The following CPD variants were observed in gnomAD, a reference collection of about 807,000 sequenced individuals.
The protein encoded by CPD is metallocarboxypeptidase D.
A neutral mutation model predicts 138.3 loss-of-function variants in CPD; 69 were observed. The observed-to-expected ratio is 0.50, with a 90% CI of 0.41 to 0.61. The LOEUF is 0.61. Among genes scored for constraint, CPD ranks in the 20% least tolerant of loss-of-function variants. CPD has a pLI of 0.00. For missense variants in CPD, 1,432 were observed against 1,733.3 expected (o/e 0.83, Z 3.09); for synonymous variants, 651 against 642.1 (o/e 1.01, Z -0.21).
intron 2 of CPD, among the ~76,000 whole-genome samples, chr17:30,400,032 C>T (rs1013385372): frequency 6.6e-6 from 1 of 152,072 alleles, no homozygotes; most frequent in African/African-American, 2.4e-5. Context: ...AATTGTGTTT[C>T]TTGTAGTTGC....
At position 30,461,935 on chromosome 17, in the gene CPD, C is replaced by T. The variant is rs1913486883; in HGVS notation, c.3689C>T (p.Ala1230Val). 6.2e-7 allele frequency: 1 copy of T among 1,612,706 alleles called. No homozygotes were observed. Residue 1230 changes from alanine (A) to valine (V), a missense_variant, in exon 19 of 21, where the codon GCA (alanine) becomes GTA (valine). Ala to Val is a moderately conservative substitution (Grantham distance 64). Coordinates refer to ENST00000225719, the MANE Select transcript of CPD (RefSeq NM_001304.5). ...AAGACTGGAAAGCCAATCTCTAAAG[C>T]AGTCATTGTACTTAATGAAGGAATA... is the stretch of plus-strand genomic sequence containing the variant. ...KDKTGKPISK[A>V]VIVLNEGIKV... is the part of the protein sequence containing the mutation.
rs973940283 is a variant in CPD at position 30,388,100 on chromosome 17, C to A, written c.994+2864C>A. Among the ~76,000 whole-genome samples, 6 of 152,190 alleles carry A rather than the reference C, an allele frequency of 3.9e-5. No homozygotes were observed. In the South Asian group the frequency reaches 1.0e-3, roughly 26 times the overall value. On this transcript the variant is annotated intron_variant, in intron 2 of 20. Transcript: ENST00000225719. ...TCAGCTTTCAGCAGAGAGGAGCTAC[C>A]CTCTGGTTGTCCCATCATCTCTCCA...
intron 2 of CPD, among the ~76,000 whole-genome samples, chr17:30,409,758 A>T (rs1392219362): frequency 6.7e-6 from 1 of 150,184 alleles, no homozygotes; most frequent in Non-Finnish European, 1.5e-5. Flanking sequence ...CTTCTTTATT[A>T]GTCTTGCTAG....
rs771989618 is a variant in CPD, at chr17:30,388,568, G to A, written c.994+3332G>A. Reference sequence around the variant, plus strand: ...ACCCCAATCCCGGATAGGAGCAGACGCAAGAATGGGGAGAGGCCAGGCAGC... The same window carrying A: ...ACCCCAATCCCGGATAGGAGCAGACACAAGAATGGGGAGAGGCCAGGCAGC... On this transcript the variant is annotated intron_variant, in intron 2 of 20. Transcript: ENST00000225719. Among the ~76,000 whole-genome samples the A allele has an allele frequency of 2.0e-5, 3 of 152,188 alleles. No individual in the cohort carries two copies. The East Asian group carries it at 5.8e-4, about 29-fold the overall frequency.
At position 30,421,796 on chromosome 17, in the gene CPD, G is replaced by A. The variant is rs2143413417; in HGVS notation, c.1270G>A (p.Val424Ile). 6.2e-7 allele frequency: 1 copy of A among 1,613,658 alleles called. No individual in the cohort carries two copies. The highest frequency in any genetic ancestry group is 2.2e-5 in the East Asian group (1 of 44,852). ...ATTTGGTGATTTCTACCGATTACTT[G>A]TTCCTGGAACTTACAACCTTACAGT... is the stretch of plus-strand genomic sequence containing the variant. Reference protein sequence around the residue: ...GRFGDFYRLLVPGTYNLTVVL... With the variant: ...GRFGDFYRLLIPGTYNLTVVL... The change falls in exon 4 of 21, where the codon GTT becomes ATT. Residue 424 changes from valine (V) to isoleucine (I), a missense_variant. By Grantham distance (29) the Val-to-Ile change is conservative. Around this residue, in one of 6 missense-constraint regions of CPD, gnomAD observed 160 missense variants for 197.9 expected, o/e 0.81. Transcript: ENST00000225719.
At chr17:30,422,481 A>G (rs1292112700) in intron 4 of CPD, among the ~76,000 whole-genome samples, 193 bp from the exon 5 acceptor site, 2 of 152,188 alleles carry the variant, frequency 1.3e-5, no homozygotes, top group Non-Finnish European at 2.9e-5. Context: ...GGTGAGAGAA[A>G]TAGTTGTTCA....
intron 1 of CPD, among the ~76,000 whole-genome samples, chr17:30,382,591 A>G (rs1405653326): frequency 6.6e-6 from 1 of 152,228 alleles, no homozygotes; most frequent in African/African-American, 2.4e-5. Context: ...AGTAAGGAAA[A>G]TCGAAGTGAA....
At position 30,464,710 on chromosome 17, in the gene CPD, G is replaced by A. The variant is rs1913587793; in HGVS notation, c.4039G>A (p.Glu1347Lys). ...GCAGCATCATGATGAGTATGAAGATGAAATTCGCATGATGTCTACCGGCTC... is the reference window on the plus strand; with the variant it reads ...GCAGCATCATGATGAGTATGAAGATAAAATTCGCATGATGTCTACCGGCTC... Reference protein sequence around the residue: ...LRQHHDEYEDEIRMMSTGSKK... With the variant: ...LRQHHDEYEDKIRMMSTGSKK... Residue 1347 changes from glutamate (E) to lysine (K), a missense_variant, in exon 21 of 21, where the codon GAA becomes AAA. Glu to Lys is a moderately conservative substitution (Grantham distance 56). Transcript: ENST00000225719. 1 of 1,614,002 alleles carries A rather than the reference G, an allele frequency of 6.2e-7. No individual in the cohort carries two copies. Among genetic ancestry groups the A allele is most frequent in the Non-Finnish European group, 8.5e-7 (1 of 1,179,928 alleles).
chr17:30,427,670 C>A (rs1244343299), intron 7 of CPD, 112 bp downstream of exon 7: 3 of 930,408 alleles, frequency 3.2e-6, no homozygotes, highest in South Asian at 3.3e-5. Flanking sequence ...TATCCTGTTA[C>A]TGCTCTTATG....
chr17:30,433,362 C>T (rs1046832590), intron 8 of CPD, among the ~76,000 whole-genome samples: 10 of 152,120 alleles, frequency 6.6e-5, no homozygotes, highest in Admixed American at 2.0e-4. Context: ...TTCTGCTTTT[C>T]GCCTTCATTT....
rs939907560 is a variant in CPD, at chr17:30,416,825, G to A, written c.995-4016G>A. Among the ~76,000 whole-genome samples, 7 of 152,188 alleles carry A rather than the reference G, an allele frequency of 4.6e-5. No individual in the cohort carries two copies. The East Asian group carries it at 5.8e-4, about 13-fold the overall frequency. On this transcript the variant is annotated intron_variant, in intron 2 of 20. Transcript: ENST00000225719. ...TCACTCTACTTAAATTTTCTAGGCCGGGCGCGGTGGCTCACGCCTGTAATC... is the reference window on the plus strand; with the variant it reads ...TCACTCTACTTAAATTTTCTAGGCCAGGCGCGGTGGCTCACGCCTGTAATC...
In CPD at chr17:30,378,984, G is replaced by GCGAGCGGCCGGGA; in HGVS notation, c.15_27dup (p.Pro10GlyfsTer79). 1 of 1,530,492 alleles carries GCGAGCGGCCGGGA rather than the reference G, an allele frequency of 6.5e-7. No individual in the cohort carries two copies. The highest frequency in any genetic ancestry group is 8.7e-7 in the Non-Finnish European group (1 of 1,149,936). The allele number at this position is 1,530,492 out of a possible 1,614,324, so 94.8% of individuals were successfully genotyped here. On this transcript the variant is annotated frameshift_variant, in exon 1 of 21. Transcript: ENST00000225719. LOFTEE classifies it high-confidence loss of function. ...GGGTTAGCGGCGCTGCTGGAAGATG[G>GCGAGCGGCCGGGA]CGAGCGGCCGGGACGAGCGGCCGCC... is the stretch of plus-strand genomic sequence containing the variant.
At chr17:30,396,556 A>G (rs1351090801) in intron 2 of CPD, among the ~76,000 whole-genome samples, 1 of 152,168 alleles carries the variant, frequency 6.6e-6, no homozygotes, top group Non-Finnish European at 1.5e-5. Flanking sequence ...AAAGAGTGAT[A>G]AGAGACTTGT....
intron 12 of CPD, among the ~76,000 whole-genome samples, chr17:30,446,945 G>A (rs1025643893): frequency 4.6e-5 from 7 of 152,070 alleles, no homozygotes; most frequent in African/African-American, 7.2e-5. Context: ...GCATTTTTTT[G>A]TGTGTCTTTT....
chr17:30,402,203 C>G (rs886765215), intron 2 of CPD, among the ~76,000 whole-genome samples: 1 of 151,998 alleles, frequency 6.6e-6, no homozygotes, highest in Admixed American at 6.6e-5. Flanking sequence ...TTCTGAAATT[C>G]TGAAATTTCT....
At chr17:30,392,293 A>C (rs1352890347) in intron 2 of CPD, among the ~76,000 whole-genome samples, 1 of 152,204 alleles carries the variant, frequency 6.6e-6, no homozygotes, top group Non-Finnish European at 1.5e-5. Flanking sequence ...TACAGGCATG[A>C]GCCACTGCGC....
Position 30,456,441 on chromosome 17 carries a change from CAT to C in CPD, c.3434-20_3434-19del. ...TCACCTTAAGGTCTTCCTGATTCCA[CAT>C]CTCTTAATGCTTTTATAGATGAGAA... On this transcript the variant is annotated intron_variant, in intron 16 of 20. Transcript: ENST00000225719. The C allele has an allele frequency of 6.2e-7, 1 of 1,613,646 alleles. No individual in the cohort carries two copies. Among genetic ancestry groups the C allele is most frequent in the Non-Finnish European group, 8.5e-7 (1 of 1,179,504 alleles).
At chr17:30,384,474 A>G (rs1024462633) in intron 1 of CPD, among the ~76,000 whole-genome samples, 7 of 152,206 alleles carry the variant, frequency 4.6e-5, no homozygotes, top group Admixed American at 2.0e-4. Context: ...TCGTAGACTG[A>G]ACTATATGAA....
At position 30,379,652 on chromosome 17, in the gene CPD, T is replaced by C; in HGVS notation, c.672T>C (p.Phe224=). 2 of 1,521,228 alleles carry C rather than the reference T, an allele frequency of 1.3e-6. No individual in the cohort carries two copies. The highest frequency in any genetic ancestry group is 1.7e-6 in the Non-Finnish European group (2 of 1,150,686). 94.2% of individuals were successfully genotyped at this position (1,521,228 alleles called of 1,614,324 possible). Residue 224 remains phenylalanine, a synonymous_variant, in exon 1 of 21, where the codon TTT becomes TTC. Transcript: ENST00000225719. The surrounding 1 kb of genome is among the most constrained non-coding windows in gnomAD (Gnocchi z 7.0). ...RDLNRSFPDQ[F]STGEPPALDE... is the part of the protein sequence containing the mutation. ...TCAACCGAAGCTTTCCCGACCAGTT[T>C]AGCACCGGCGAACCCCCCGCCCTGG...
Sources: allele counts gnomAD v4.1 joint callset (sites outside exome capture counted in the v4.1 genomes callset), GRCh38; gene constraint gnomAD v4.1.1; regional missense constraint gnomAD v4.1.1; non-coding constraint Gnocchi (gnomAD v3.1); transcripts MANE v1.5; gene names NCBI Gene and HGNC (gene_info 2026-07-23, HGNC 2026-07-21).